Variants in THEMIS observed in about 807,000 individuals in gnomAD.
The protein encoded by THEMIS is thymocyte selection associated.
Under a neutral mutation model 52.6 loss-of-function variants are expected in THEMIS, and 37 were observed. The ratio of observed to expected loss-of-function variants is 0.70; its 90% CI spans 0.54 to 0.93. The LOEUF is 0.93. Ranked by LOEUF, THEMIS falls within the 40% of genes least tolerant of loss-of-function variation. THEMIS has a pLI of 0.00. For synonymous variants in THEMIS, 292 were observed against 272.7 expected (o/e 1.07, Z -0.70); for missense variants, 808 against 763.1 (o/e 1.06, Z -0.69).
rs555043967 is a variant in THEMIS at position 127,846,901 on chromosome 6, T to G, written c.250+8129A>C. Among the ~76,000 whole-genome samples, 26 of 151,956 alleles carry G rather than the reference T, an allele frequency of 1.7e-4. No individual in the cohort carries two copies. In the South Asian group the frequency reaches 4.4e-3, roughly 25 times the overall value. ...CAAAAATCCTCAACTAAATATTAGC[T>G]AACTAAATCTAATAGCAAATCAAAA... On this transcript the variant is annotated intron_variant, in intron 2 of 5. Transcript: ENST00000368248.
At chr6:127,910,655 G>A (rs1427409627) in intron 1 of THEMIS, among the ~76,000 whole-genome samples, 1 of 152,100 alleles carries the variant, frequency 6.6e-6, no homozygotes, top group African/African-American at 2.4e-5. Context: ...ATAGGTTATA[G>A]AATCATAGAA....
At chr6:127,767,010 A>G (rs1776222002) in intron 4 of THEMIS, among the ~76,000 whole-genome samples, 2 of 152,206 alleles carry the variant, frequency 1.3e-5, no homozygotes, top group Non-Finnish European at 2.9e-5. Flanking sequence ...TACTTTATAA[A>G]TGTTTTAATT....
At position 127,857,774 on chromosome 6, in the gene THEMIS, T is replaced by G. The variant is rs376826492; in HGVS notation, c.92-2586A>C. On this transcript the variant is annotated intron_variant, in intron 1 of 5. Coordinates refer to ENST00000368248, the MANE Select transcript of THEMIS (RefSeq NM_001010923.3). Reference sequence around the variant, plus strand: ...AGATGATTTATAAGGACATTAAGGTTTGCAAACATTGGCCTAGGCAACAAA... The same window carrying G: ...AGATGATTTATAAGGACATTAAGGTGTGCAAACATTGGCCTAGGCAACAAA... Among the ~76,000 whole-genome samples, 221 of 152,148 alleles carry G rather than the reference T, an allele frequency of 1.5e-3. 1 individual carries two copies. The Middle Eastern group carries it at 0.02, about 14-fold the overall frequency.
chr6:127,864,692 A>T (rs763693586), intron 1 of THEMIS, among the ~76,000 whole-genome samples: 5 of 152,092 alleles, frequency 3.3e-5, no homozygotes, highest in African/African-American at 7.2e-5. Context: ...AAGATACAAG[A>T]TCAGTGTCTC....
At chr6:127,914,799 A>G (rs1781486215) in intron 1 of THEMIS, among the ~76,000 whole-genome samples, 1 of 152,214 alleles carries the variant, frequency 6.6e-6, no homozygotes, top group Non-Finnish European at 1.5e-5. Context: ...ATGCTTTTCT[A>G]CAGTAGAGCC....
chr6:127,747,271 A>G (rs1190375852), intron 4 of THEMIS, among the ~76,000 whole-genome samples: 2 of 141,082 alleles, frequency 1.4e-5, no homozygotes, highest in African/African-American at 2.5e-5. Flanking sequence ...AGCTATCTCT[A>G]TATTACATAT....
chr6:127,770,731 T>A (rs1053688636), intron 4 of THEMIS, among the ~76,000 whole-genome samples: 3 of 152,206 alleles, frequency 2.0e-5, no homozygotes, highest in Non-Finnish European at 4.4e-5. Flanking sequence ...TAGGTTTTCT[T>A]CTATGGTTTT....
At chr6:127,724,092 A>T (rs1247385719) in intron 4 of THEMIS, among the ~76,000 whole-genome samples, 1 of 152,138 alleles carries the variant, frequency 6.6e-6, no homozygotes, top group Non-Finnish European at 1.5e-5. Flanking sequence ...CACATGCATA[A>T]GCAAGTTTGT....
At chr6:127,901,105 G>C, upstream of THEMIS, 1 of 596,260 alleles carries the variant, frequency 1.7e-6, no homozygotes, top group Non-Finnish European at 3.0e-6. Flanking sequence ...ACAATGAAGA[G>C]GGAGGGGGGA....
Position 127,853,271 on chromosome 6 carries a change from T to C in THEMIS, c.250+1759A>G, listed in dbSNP as rs186643116. On this transcript the variant is annotated intron_variant, in intron 2 of 5. Transcript: ENST00000368248. The stretch of plus-strand genomic sequence containing the variant: ...AACTATAGTGATTTAAAAAGGGAAT[T>C]GTTACATCTAATTAGAGTACTTAAG... 1.7e-4 allele frequency among the ~76,000 whole-genome samples: 26 copies of C among 151,754 alleles called. No homozygotes were observed. The East Asian group carries it at 5.1e-3, about 30-fold the overall frequency.
chr6:127,784,917 A>C (rs1300941629), intron 4 of THEMIS, among the ~76,000 whole-genome samples: 1 of 152,094 alleles, frequency 6.6e-6, no homozygotes, highest in Non-Finnish European at 1.5e-5. Context: ...CAGGCATTCT[A>C]ATTCTAAATC....
At chr6:127,766,642 G>A (rs572579130) in intron 4 of THEMIS, among the ~76,000 whole-genome samples, 3 of 152,066 alleles carry the variant, frequency 2.0e-5, no homozygotes, top group Non-Finnish European at 4.4e-5. Flanking sequence ...ATTGTTCCTG[G>A]GCTATAAACC....
At chr6:127,796,994 A>G (rs141640061) in intron 4 of THEMIS, among the ~76,000 whole-genome samples, 311 of 152,334 alleles carry the variant, frequency 2.0e-3, no homozygotes, top group African/African-American at 6.5e-3. Flanking sequence ...AGTTTAGCAT[A>G]CTAACAAAGC....
At chr6:127,896,874 T>C (rs535247784) in intron 1 of THEMIS, among the ~76,000 whole-genome samples, 2 of 151,642 alleles carry the variant, frequency 1.3e-5, no homozygotes, top group African/African-American at 4.8e-5. Flanking sequence ...CATGGCTCTG[T>C]AGCATATTAT....
At chr6:127,738,185 A>G (rs748446398) in intron 4 of THEMIS, among the ~76,000 whole-genome samples, 6 of 152,202 alleles carry the variant, frequency 3.9e-5, no homozygotes, top group Non-Finnish European at 8.8e-5. Context: ...TTTAATATGC[A>G]TAATATAAAG....
In THEMIS at chr6:127,714,521, C is replaced by T. The variant is rs192762450; in HGVS notation, c.1895-4505G>A. Among the ~76,000 whole-genome samples the T allele has an allele frequency of 1.4e-3, 206 of 151,946 alleles. 1 individual carries two copies. Among genetic ancestry groups the T allele is most frequent in the African/African-American group, 4.7e-3 (193 of 41,492 alleles). The stretch of plus-strand genomic sequence containing the variant: ...TTTACCCATAGGCCATGATGGTTTC[C>T]CAGCTCTGCTCTAGAGAATAGATCC... On this transcript the variant is annotated intron_variant, in intron 5 of 5. Coordinates refer to ENST00000368248, the MANE Select transcript of THEMIS (RefSeq NM_001010923.3).
At chr6:127,774,846 T>C (rs181879595) in intron 4 of THEMIS, among the ~76,000 whole-genome samples, 9 of 152,276 alleles carry the variant, frequency 5.9e-5, no homozygotes, top group Non-Finnish European at 1.2e-4. Context: ...CTAAAGCAAA[T>C]AGATTGAGGC....
chr6:127,721,933 T>G (rs570302563), intron 4 of THEMIS, among the ~76,000 whole-genome samples: 127 of 152,120 alleles, frequency 8.3e-4, no homozygotes, highest in African/African-American at 3.0e-3. Context: ...TAAGAATTCA[T>G]GCAAGTTGTG....
At chr6:127,832,330 G>T (rs1778722789) in intron 2 of THEMIS, among the ~76,000 whole-genome samples, 1 of 152,086 alleles carries the variant, frequency 6.6e-6, no homozygotes, top group Admixed American at 6.6e-5. Context: ...AAAAGATGAT[G>T]AAGTACACAG....
Sources: allele counts gnomAD v4.1 joint callset (sites outside exome capture counted in the v4.1 genomes callset), GRCh38; gene constraint gnomAD v4.1.1; transcripts MANE v1.5; gene names NCBI Gene and HGNC (gene_info 2026-07-23, HGNC 2026-07-21).